DOCK8: variants seen among roughly 807,000 people sequenced by gnomAD.
DOCK8 encodes dedicator of cytokinesis 8.
DOCK8 carries 141 observed loss-of-function variants against 245.6 expected under a neutral mutation model. The ratio of observed to expected loss-of-function variants is 0.57; its 90% CI spans 0.50 to 0.66. DOCK8 has a LOEUF of 0.66. Ranked by LOEUF, DOCK8 falls within the 30% of genes least tolerant of loss-of-function variation. The pLI is 0.00. For synonymous variants in DOCK8, 1,168 were observed against 970.2 expected (o/e 1.20, Z -3.79); for missense variants, 2,965 against 2,603.4 (o/e 1.14, Z -3.02).
chr9:413,739 G>T (rs981196198), intron 28 of DOCK8, among the ~76,000 whole-genome samples: 3 of 152,184 alleles, frequency 2.0e-5, no homozygotes, highest in African/African-American at 7.2e-5. Context: ...TAATAAAAAA[G>T]ACAGGTAATA....
intron 20 of DOCK8, among the ~76,000 whole-genome samples, chr9:377,503 T>G (rs190595396): frequency 6.6e-6 from 1 of 152,366 alleles, no homozygotes; most frequent in Admixed American, 6.5e-5. Flanking sequence ...TGAATTTATT[T>G]TACCTTGAAG....
At chr9:297,448 A>T (rs145806506) in intron 4 of DOCK8, among the ~76,000 whole-genome samples, 20 of 152,314 alleles carry the variant, frequency 1.3e-4, no homozygotes, top group Non-Finnish European at 2.4e-4. Context: ...AAGAAAAGGA[A>T]TGCAGATCTC....
intron 46 of DOCK8, chr9:456,246 T>C (rs2057636823): frequency 6.6e-6 from 1 of 152,254 alleles, no homozygotes; most frequent in Non-Finnish European, 1.5e-5. Flanking sequence ...CTTAATTGCT[T>C]CTCAAGTCCA....
intron 28 of DOCK8, among the ~76,000 whole-genome samples, chr9:412,904 A>T (rs1037302323): frequency 6.6e-6 from 1 of 151,532 alleles, no homozygotes; most frequent in African/African-American, 2.4e-5. Context: ...GAAATTAGCA[A>T]ACTGATCCTA....
chr9:265,748 C>G (rs2048022027), intron 1 of DOCK8, among the ~76,000 whole-genome samples: 1 of 152,122 alleles, frequency 6.6e-6, no homozygotes, highest in African/African-American at 2.4e-5. Flanking sequence ...GGTTTCCTAG[C>G]ACAGCTGCTG....
intron 1 of DOCK8, among the ~76,000 whole-genome samples, chr9:255,667 CCA>C (rs1563844729): frequency 2.4e-5 from 1 of 41,286 alleles, no homozygotes; most frequent in African/African-American, 7.7e-5. Context: ...GACTCCATCT[CCA>C]AAAAAAAAAA....
intron 44 of DOCK8, among the ~76,000 whole-genome samples, chr9:449,005 G>C (rs1469747993): frequency 6.6e-6 from 1 of 152,200 alleles, no homozygotes; most frequent in Non-Finnish European, 1.5e-5. Context: ...GTTATGATGG[G>C]GGAGAAAATC....
At chr9:340,028 G>C (rs141954098) in intron 13 of DOCK8, 131 bp from the exon 14 acceptor site, 2 of 956,288 alleles carry the variant, frequency 2.1e-6, no homozygotes, top group African/African-American at 1.7e-5. Context: ...TAGGAAATTA[G>C]CTCCAAAACT....
At chr9:444,576 T>C (rs1446457608) in intron 43 of DOCK8, among the ~76,000 whole-genome samples, 1 of 152,092 alleles carries the variant, frequency 6.6e-6, no homozygotes, top group East Asian at 1.9e-4. Context: ...GGGGTTTCAT[T>C]ATGTAGGCAA....
Position 334,398 on chromosome 9 carries a change from C to T in DOCK8, c.1285+14C>T, listed in dbSNP as rs780288736. 3 of 1,610,882 alleles carry T rather than the reference C, an allele frequency of 1.9e-6. No homozygotes were observed. Among genetic ancestry groups the T allele is most frequent in the African/African-American group, 1.3e-5 (1 of 74,936 alleles). On this transcript the variant is annotated intron_variant, in intron 11 of 47. Transcript: ENST00000432829. Reference sequence around the variant, plus strand: ...ACTCTGTGGTTGGTAAGATTTTCACCTGCAGTGGGAAAGGGAGGGCTCCCC... The same window carrying T: ...ACTCTGTGGTTGGTAAGATTTTCACTTGCAGTGGGAAAGGGAGGGCTCCCC...
At chr9:297,919 A>C (rs983592396) in intron 4 of DOCK8, among the ~76,000 whole-genome samples, 1 of 152,212 alleles carries the variant, frequency 6.6e-6, no homozygotes, top group Non-Finnish European at 1.5e-5. Context: ...TAGAGTGTAC[A>C]CATTGTGAAC....
intron 14 of DOCK8, among the ~76,000 whole-genome samples, chr9:343,047 T>A (rs959677277): frequency 6.6e-6 from 1 of 152,228 alleles, no homozygotes; most frequent in African/African-American, 2.4e-5. Context: ...AATTCCCATT[T>A]TCCAGTTCCT....
At chr9:251,835 C>T (rs2047654485) in intron 1 of DOCK8, among the ~76,000 whole-genome samples, 1 of 152,054 alleles carries the variant, frequency 6.6e-6, no homozygotes, top group Non-Finnish European at 1.5e-5. Context: ...CAGGCTTTTC[C>T]AGGTTATAAG....
At chr9:330,507 G>A (rs201161025) in intron 9 of DOCK8, among the ~76,000 whole-genome samples, 57 of 152,284 alleles carry the variant, frequency 3.7e-4, no homozygotes, top group Non-Finnish European at 7.2e-4. Context: ...TACATTTGCT[G>A]TGTATGGTAG....
chr9:215,283 C>G, intron 1 of DOCK8: 1 of 1,608,690 alleles, frequency 6.2e-7, no homozygotes, highest in South Asian at 1.1e-5. Flanking sequence ...GCCGGGGATC[C>G]CTTCCCCGAA....
At chr9:264,347 C>A (rs586994) in intron 1 of DOCK8, among the ~76,000 whole-genome samples, 79,376 of 152,048 alleles carry the variant, frequency 0.52, 20,992 homozygotes, top group East Asian at 0.79. Flanking sequence ...GGAATTTTCT[C>A]AGTGAAAGGG....
chr9:413,039 T>C (rs1427102972), intron 28 of DOCK8, among the ~76,000 whole-genome samples: 1 of 152,180 alleles, frequency 6.6e-6, no homozygotes, highest in African/African-American at 2.4e-5. Context: ...GTCAAGACTA[T>C]GGGGTTCTGA....
intron 14 of DOCK8, among the ~76,000 whole-genome samples, chr9:341,407 T>C (rs993696910): frequency 6.6e-6 from 1 of 152,202 alleles, no homozygotes; most frequent in African/African-American, 2.4e-5. Context: ...TTTCCTTTAA[T>C]GCAGAAAAGG....
At chr9:279,923 C>G (rs542594359) in intron 2 of DOCK8, among the ~76,000 whole-genome samples, 1 of 152,266 alleles carries the variant, frequency 6.6e-6, no homozygotes, top group African/African-American at 2.4e-5. Context: ...GTCATTTAAC[C>G]TCTCTGTTTT....
Sources: allele counts gnomAD v4.1 joint callset (sites outside exome capture counted in the v4.1 genomes callset), GRCh38; gene constraint gnomAD v4.1.1; transcripts MANE v1.5; gene names NCBI Gene and HGNC (gene_info 2026-07-23, HGNC 2026-07-21).